NUMA1: variants seen among roughly 807,000 people sequenced by gnomAD.
NUMA1 encodes the protein SP-H antigen.
In NUMA1, 62 loss-of-function variants were observed where a neutral mutation model predicts 237.1. The ratio of observed to expected loss-of-function variants is 0.26; its 90% CI spans 0.21 to 0.32. The LOEUF is 0.32. Ranked by LOEUF, NUMA1 falls within the 10% of genes least tolerant of loss-of-function variation. The pLI is 1.00. For missense variants in NUMA1, 2,533 were observed against 2,666.5 expected (o/e 0.95, Z 1.10); for synonymous variants, 1,028 against 1,066.1 (o/e 0.96, Z 0.70).
intron 1 of NUMA1, among the ~76,000 whole-genome samples, chr11:72,074,315 T>C (rs922415089): frequency 3.9e-5 from 6 of 152,124 alleles, no homozygotes; most frequent in African/African-American, 1.2e-4. Context: ...ATCACACCAC[T>C]GTACTCCAGT....
In NUMA1 at chr11:72,042,718, G is replaced by A. The variant is rs551595172; in HGVS notation, c.-32-6743C>T. Among the ~76,000 whole-genome samples, 87 of 152,306 alleles carry A rather than the reference G, an allele frequency of 5.7e-4. 2 individuals carry two copies. In the South Asian group the frequency reaches 0.018, roughly 32 times the overall value. ...AGAGCTGTGGTATGACAAAAACTGT[G>A]CCCCAAGTTTATTCTGATATATACC... is the stretch of plus-strand genomic sequence containing the variant. On this transcript the variant is annotated intron_variant, in intron 2 of 26. Transcript: ENST00000393695.
At chr11:72,036,018 T>G in intron 2 of NUMA1, 43 bp from the exon 3 acceptor site, 4 of 1,442,748 alleles carry the variant, frequency 2.8e-6, no homozygotes, top group Non-Finnish European at 2.9e-6. Context: ...TCATATCAGA[T>G]ATCCATGATC....
intron 1 of NUMA1, among the ~76,000 whole-genome samples, chr11:72,078,502 C>T (rs1284630975): frequency 6.6e-6 from 1 of 152,214 alleles, no homozygotes; most frequent in Non-Finnish European, 1.5e-5. Context: ...AGGGCTTTGC[C>T]CTCATCCTAA....
chr11:72,075,354 T>C (rs929963209), intron 1 of NUMA1, among the ~76,000 whole-genome samples: 1 of 152,168 alleles, frequency 6.6e-6, no homozygotes. Context: ...TCCTCCTTCT[T>C]GTAGCCTGGT....
At chr11:72,051,668 G>C (rs1942370374) in intron 2 of NUMA1, among the ~76,000 whole-genome samples, 1 of 151,920 alleles carries the variant, frequency 6.6e-6, no homozygotes, top group Admixed American at 6.6e-5. Flanking sequence ...ATGGAGTTTT[G>C]CCATTTGCCC....
intron 9 of NUMA1, 124 bp downstream of exon 9, chr11:72,019,370 C>T (rs1938404285): frequency 7.7e-7 from 1 of 1,304,072 alleles, no homozygotes; most frequent in South Asian, 1.4e-5. Flanking sequence ...TGAGGAGATC[C>T]CAGATCTACC....
At chr11:72,017,666 G>A (rs1938055573) in intron 13 of NUMA1, 21 bp downstream of exon 13, 1 of 1,612,042 alleles carries the variant, frequency 6.2e-7, no homozygotes, top group Non-Finnish European at 8.5e-7. Flanking sequence ...GACTGTGGCT[G>A]TGACCCCAGC....
intron 2 of NUMA1, among the ~76,000 whole-genome samples, chr11:72,055,600 G>C (rs939714757): frequency 6.6e-6 from 1 of 152,186 alleles, no homozygotes; most frequent in Non-Finnish European, 1.5e-5. Flanking sequence ...GTAGGTGCTA[G>C]TAACACAGGT....
At chr11:72,024,222 C>T (rs1939266900) in intron 5 of NUMA1, 52 bp downstream of exon 5, 3 of 1,551,738 alleles carry the variant, frequency 1.9e-6, no homozygotes, top group Admixed American at 1.7e-5. Context: ...ACTCTCCAAT[C>T]CCACGAGCTG....
At position 72,014,269 on chromosome 11, in the gene NUMA1, T is replaced by G. The variant is rs1956346843; in HGVS notation, c.3234A>C (p.Lys1078Asn). ...CGGTTTGCCGAAGTTCCTCCAGCTC[T>G]TTTATCTGGGCTGCCTCCAGACCAC... is the stretch of plus-strand genomic sequence containing the variant. ...KLRGLEAAQI[K>N]ELEELRQTVK... The change falls in exon 15 of 27, where the codon AAA becomes AAC. Residue 1078 changes from lysine to asparagine, a missense_variant. Coordinates refer to ENST00000393695, the MANE Select transcript of NUMA1 (RefSeq NM_006185.4). The surrounding 1 kb of genome is among the most constrained non-coding windows in gnomAD (Gnocchi z 4.6). 3.1e-6 allele frequency: 5 copies of G among 1,613,822 alleles called. No individual in the cohort carries two copies. Among genetic ancestry groups the G allele is most frequent in the Non-Finnish European group, 4.2e-6 (5 of 1,180,058 alleles).
Position 72,009,333 on chromosome 11 carries a change from G to T in NUMA1, c.4774C>A (p.Gln1592Lys). Residue 1592 changes from glutamine (Q) to lysine (K), a missense_variant, in exon 18 of 27, where the codon CAG becomes AAG. Around this residue, in one of 3 missense-constraint regions of NUMA1, gnomAD observed 795 missense variants for 750.8 expected, o/e 1.06. Coordinates refer to ENST00000393695, the MANE Select transcript of NUMA1 (RefSeq NM_006185.4). ...SQQEAQRLQA[Q>K]LNELQAQLSQ... Reference sequence around the variant, plus strand: ...AACTGGGCTTGCAGTTCATTCAGCTGGGCCTGGAGGCGCTGGGCCTCCTGC... The same window carrying T: ...AACTGGGCTTGCAGTTCATTCAGCTTGGCCTGGAGGCGCTGGGCCTCCTGC... 1 of 1,613,190 alleles carries T rather than the reference G, an allele frequency of 6.2e-7. No homozygotes were observed. Among genetic ancestry groups the T allele is most frequent in the Non-Finnish European group, 8.5e-7 (1 of 1,179,960 alleles).
intron 3 of NUMA1, among the ~76,000 whole-genome samples, chr11:72,033,362 TTG>T (rs1164136373): frequency 1.9e-3 from 41 of 21,718 alleles, no homozygotes; most frequent in African/African-American, 4.2e-3. Context: ...TGCATGTTCT[TTG>T]TTTTTTTTTT....
At chr11:72,031,772 C>G (rs190560138) in intron 3 of NUMA1, among the ~76,000 whole-genome samples, 2 of 151,914 alleles carry the variant, frequency 1.3e-5, no homozygotes, top group Non-Finnish European at 2.9e-5. Flanking sequence ...TATGATCACA[C>G]CACTGCACTC....
At chr11:72,010,987 G>T in intron 16 of NUMA1, 133 bp from the exon 17 acceptor site, 2 of 798,140 alleles carry the variant, frequency 2.5e-6, no homozygotes, top group Non-Finnish European at 2.1e-6. Context: ...CCCTTTCTCT[G>T]GCCTCCAATT....
rs1294090153 is a variant in NUMA1, at chr11:72,018,431, G to A, written c.825C>T (p.Pro275=). The change falls in exon 11 of 27, where the codon CCC becomes CCT. Residue 275 remains proline (P), a synonymous_variant. Coordinates refer to ENST00000393695, the MANE Select transcript of NUMA1 (RefSeq NM_006185.4). ...TGTCACGCAGCTCCTCAAGCTCCTT[G>A]GGCTCCAGTGGGCTGGCCGCCTGCT... ...NEKQAASPLE[P]KELEELRDKN... is the part of the protein sequence containing the mutation. 1.2e-6 allele frequency: 2 copies of A among 1,614,130 alleles called. No individual in the cohort carries two copies. The highest frequency in any genetic ancestry group is 2.2e-5 in the East Asian group (1 of 44,890).
In NUMA1 at chr11:72,078,737, T is replaced by C. The variant is rs182484835; in HGVS notation, c.-103+1721A>G. Among the ~76,000 whole-genome samples, 301 of 152,382 alleles carry C rather than the reference T, an allele frequency of 2.0e-3. 1 individual carries two copies. The highest frequency in any genetic ancestry group is 7.0e-3 in the African/African-American group (292 of 41,600). ...CTTTGGAAGCTTTCACAAAAAAGTA[T>C]GTGGTTCTTCCTCTAAAGAAGAAAA... On this transcript the variant is annotated intron_variant, in intron 1 of 26. Coordinates refer to ENST00000393695, the MANE Select transcript of NUMA1 (RefSeq NM_006185.4).
At chr11:72,074,646 G>C (rs184742132) in intron 1 of NUMA1, among the ~76,000 whole-genome samples, 43 of 152,154 alleles carry the variant, frequency 2.8e-4, no homozygotes, top group Non-Finnish European at 5.0e-4. Context: ...GGCTGAGGTG[G>C]GAGGATAGCT....
chr11:72,040,484 A>G (rs1487316458), intron 2 of NUMA1: 1 of 149,896 alleles, frequency 6.7e-6, no homozygotes, highest in African/African-American at 2.7e-5. Flanking sequence ...ACACACACAC[A>G]CACACACACA....
chr11:72,061,128 T>C (rs958306455), intron 2 of NUMA1, among the ~76,000 whole-genome samples: 3 of 152,148 alleles, frequency 2.0e-5, no homozygotes, highest in East Asian at 3.9e-4. Context: ...TTCCAGCTAC[T>C]TGGGAGGCTG....
Sources: allele counts gnomAD v4.1 joint callset (sites outside exome capture counted in the v4.1 genomes callset), GRCh38; gene constraint gnomAD v4.1.1; regional missense constraint gnomAD v4.1.1; non-coding constraint Gnocchi (gnomAD v3.1); transcripts MANE v1.5; gene names NCBI Gene and HGNC (gene_info 2026-07-23, HGNC 2026-07-21).